PTCHD4: variants seen among roughly 807,000 people sequenced by gnomAD.
The protein encoded by PTCHD4 is patched domain containing 4, also known as patched domain-containing protein 4.
PTCHD4 carries 33 observed loss-of-function variants against 58.1 expected under a neutral mutation model. That is an observed-to-expected ratio of 0.57 (90% CI 0.43 to 0.76). The LOEUF is 0.76. Among genes scored for constraint, PTCHD4 ranks in the 30% least tolerant of loss-of-function variants. The pLI is 0.00. For synonymous variants in PTCHD4, 478 were observed against 409.6 expected, an observed-to-expected ratio of 1.17 and a Z score of -2.02; for missense variants, 1,058 against 1,027.1, an observed-to-expected ratio of 1.03 and a Z score of -0.41.
intron 3 of PTCHD4, among the ~76,000 whole-genome samples, chr6:48,052,194 A>G (rs1187787102): frequency 6.6e-6 from 1 of 152,052 alleles, no homozygotes; most frequent in African/African-American, 2.4e-5. Flanking sequence ...AGGTGCATTA[A>G]TTTCTTGAAC....
chr6:48,036,418 C>T (rs1246280162), intron 3 of PTCHD4, among the ~76,000 whole-genome samples: 3 of 152,034 alleles, frequency 2.0e-5, no homozygotes, highest in African/African-American at 4.8e-5. Flanking sequence ...TGGAAAACTC[C>T]AGGAATAACT....
intron 4 of PTCHD4, among the ~76,000 whole-genome samples, chr6:47,976,937 C>T (rs1767714593): frequency 6.6e-6 from 1 of 152,024 alleles, no homozygotes; most frequent in Non-Finnish European, 1.5e-5. Flanking sequence ...GAAATAGACA[C>T]TGTCATTCCC....
chr6:47,963,934 A>T (rs1767193333), intron 4 of PTCHD4, among the ~76,000 whole-genome samples: 1 of 152,214 alleles, frequency 6.6e-6, no homozygotes, highest in Admixed American at 6.5e-5. Flanking sequence ...TGTGGAACTT[A>T]AAGGTTTTGA....
intron 4 of PTCHD4, among the ~76,000 whole-genome samples, chr6:47,916,335 C>T (rs1581873279): frequency 6.6e-6 from 1 of 152,026 alleles, no homozygotes; most frequent in Non-Finnish European, 1.5e-5. Context: ...TAGCCCACCC[C>T]AGAATCCAAG....
chr6:47,929,243 AC>A (rs1300429732), intron 4 of PTCHD4, among the ~76,000 whole-genome samples: 17 of 152,330 alleles, frequency 1.1e-4, no homozygotes, highest in African/African-American at 2.9e-4. Context: ...CAAAATGAAA[AC>A]GTTCATTTGA....
At chr6:48,079,043 G>A (rs1226444294) in intron 1 of PTCHD4, among the ~76,000 whole-genome samples, 1 of 151,054 alleles carries the variant, frequency 6.6e-6, no homozygotes, top group African/African-American at 2.4e-5. Flanking sequence ...GCGTGAACCC[G>A]GGAGGCGGAG....
intron 1 of PTCHD4, among the ~76,000 whole-genome samples, chr6:48,096,608 C>A (rs550171308): frequency 1.6e-3 from 118 of 74,602 alleles, no homozygotes; most frequent in African/African-American, 5.4e-3. Flanking sequence ...CAAGACTCTG[C>A]CTAAAAAAAA....
At position 47,876,936 on chromosome 6, in the gene PTCHD4, C is replaced by T. The variant is rs1763863942; in HGVS notation, c.*1367G>A. 1.3e-5 allele frequency among the ~76,000 whole-genome samples: 2 copies of T among 151,908 alleles called. No individual in the cohort carries two copies. The highest frequency in any genetic ancestry group is 2.9e-5 in the Non-Finnish European group (2 of 67,904). On this transcript the variant is annotated 3_prime_UTR_variant, in exon 5 of 5. Transcript: ENST00000339488. ...TCCCACCTGTGGAGAGCTGCGATCA[C>T]CCTAGGAGGTGGGCCAACCGAGGAG...
At chr6:47,914,135 A>G (rs1199649262) in intron 4 of PTCHD4, among the ~76,000 whole-genome samples, 2 of 152,170 alleles carry the variant, frequency 1.3e-5, no homozygotes, top group Admixed American at 1.3e-4. Flanking sequence ...TATTATATAC[A>G]CAAAATATCT....
intron 4 of PTCHD4, among the ~76,000 whole-genome samples, chr6:47,916,640 GAC>G (rs1405764822): frequency 1.4e-5 from 2 of 143,878 alleles, no homozygotes; most frequent in East Asian, 3.9e-4. Flanking sequence ...CCCCAGTTCA[GAC>G]ACACACATAC....
At chr6:47,997,730 A>G (rs1408453601) in intron 4 of PTCHD4, among the ~76,000 whole-genome samples, 1 of 152,226 alleles carries the variant, frequency 6.6e-6, no homozygotes, top group Non-Finnish European at 1.5e-5. Context: ...GCCAACAACT[A>G]TGATACACAA....
At chr6:48,016,310 T>A (rs56131035) in intron 3 of PTCHD4, among the ~76,000 whole-genome samples, 16,616 of 151,848 alleles carry the variant, frequency 0.11, 1,196 homozygotes, top group Non-Finnish European at 0.16. Context: ...TATTAAGGAG[T>A]TGGACTTAAT....
chr6:48,035,468 T>C (rs1763599636), intron 3 of PTCHD4, among the ~76,000 whole-genome samples: 1 of 152,096 alleles, frequency 6.6e-6, no homozygotes, highest in African/African-American at 2.4e-5. Context: ...ATTAAAAAAT[T>C]ATGAATCAGA....
chr6:47,867,141 A>T lies in PTCHD4; in HGVS notation c.*11162T>A, dbSNP rs192412186. Among the ~76,000 whole-genome samples the T allele has an allele frequency of 2.6e-5, 4 of 151,818 alleles. No homozygotes were observed. The highest frequency in any genetic ancestry group is 5.9e-5 in the Non-Finnish European group (4 of 67,868). On this transcript the variant is annotated 3_prime_UTR_variant, in exon 5 of 5. Transcript: ENST00000339488. ...ATTATTTGAATTGTTAATTAAAATA[A>T]TATTAACAGAGATAGTTAATTGGAG...
chr6:48,052,204 C>T (rs1040402128), intron 3 of PTCHD4, among the ~76,000 whole-genome samples: 6 of 151,880 alleles, frequency 4.0e-5, no homozygotes, highest in Non-Finnish European at 7.4e-5. Context: ...ATTTCTTGAA[C>T]TTAAAAGTTT....
At chr6:47,910,386 A>G (rs1439984078) in intron 4 of PTCHD4, among the ~76,000 whole-genome samples, 2 of 152,096 alleles carry the variant, frequency 1.3e-5, no homozygotes, top group Non-Finnish European at 2.9e-5. Flanking sequence ...GCACAGAGGG[A>G]GGGCATATTA....
intron 4 of PTCHD4, among the ~76,000 whole-genome samples, chr6:47,999,371 A>G (rs1321866856): frequency 3.9e-5 from 6 of 152,214 alleles, no homozygotes; most frequent in Admixed American, 2.0e-4. Context: ...TACAACTGAT[A>G]TGGTTAAGAA....
chr6:47,935,281 CT>C (rs1466416008), intron 4 of PTCHD4, among the ~76,000 whole-genome samples: 3 of 152,144 alleles, frequency 2.0e-5, no homozygotes, highest in Non-Finnish European at 4.4e-5. Context: ...TATGCTACCT[CT>C]TAATTTGTGG....
At chr6:47,993,552 T>C (rs993437115) in intron 4 of PTCHD4, among the ~76,000 whole-genome samples, 3 of 152,160 alleles carry the variant, frequency 2.0e-5, no homozygotes, top group Non-Finnish European at 4.4e-5. Flanking sequence ...GCAGGCAGAA[T>C]ATGGCAGCAG....
Sources: gnomAD v4.1 joint callset for allele counts (sites outside exome capture counted in the v4.1 genomes callset) on GRCh38, gnomAD v4.1.1 for gene constraint, MANE v1.5 for transcripts, NCBI Gene and HGNC (gene_info 2026-07-23, HGNC 2026-07-21) for gene names.